The following SRPX variants were observed in gnomAD, a reference collection of about 807,000 sequenced individuals.
SRPX encodes the protein sushi repeat-containing protein SRPX.
Under a neutral mutation model 38.1 loss-of-function variants are expected in SRPX, and 24 were observed. That is an observed-to-expected ratio of 0.63 (90% confidence interval 0.46 to 0.89). The LOEUF (loss-of-function observed/expected upper bound fraction) is 0.89, where lower values mean the gene tolerates loss of function less well. Ranked by LOEUF, SRPX falls within the 40% of genes least tolerant of loss-of-function variation. The pLI is 0.00. For missense variants in SRPX, 416 were observed against 377.8 expected (o/e 1.10, Z -0.84); for synonymous variants, 184 against 153.8 (o/e 1.20, Z -1.45).
chrX:38,216,314 C>T (rs1311302369), intron 1 of SRPX, among the ~76,000 whole-genome samples: 1 of 112,643 alleles, frequency 8.9e-6, no homozygotes, highest in African/African-American at 3.2e-5. Flanking sequence ...CAGAAAGCTA[C>T]GAGAGAGAAG....
At chrX:38,165,719 G>A (rs1049520204) in intron 4 of SRPX, among the ~76,000 whole-genome samples, 3 of 111,981 alleles carry the variant, frequency 2.7e-5, no homozygotes, top group Non-Finnish European at 5.6e-5. Flanking sequence ...TCAACATATT[G>A]CTTAATATCT....
intron 2 of SRPX, among the ~76,000 whole-genome samples, chrX:38,177,299 T>C (rs1415486592): frequency 9.0e-6 from 1 of 111,023 alleles, no homozygotes; most frequent in Non-Finnish European, 1.9e-5. Flanking sequence ...TGCATTCAGA[T>C]CTCACAAAAA....
rs1020702421 is a variant in SRPX, at chrX:38,149,993, G to A, written c.1212-99C>T. 5 of 749,356 alleles carry A rather than the reference G, an allele frequency of 6.7e-6. No individual in the cohort carries two copies. The African/African-American group carries it at 8.6e-5, about 13-fold the overall frequency. The allele number at this position is 749,356 out of a possible 1,213,427, so 61.8% of individuals were successfully genotyped here. On this transcript the variant is annotated intron_variant, in intron 9 of 9. Coordinates refer to ENST00000378533, the MANE Select transcript of SRPX (RefSeq NM_006307.5). ...CTTACTGTGACAGTGTGCAGAGAAA[G>A]CTTTGATACAATGAAGGACTGAATC... is the stretch of plus-strand genomic sequence containing the variant.
intron 8 of SRPX, 39 bp from the exon 9 acceptor site, chrX:38,154,622 G>T: frequency 1.7e-6 from 2 of 1,198,207 alleles, no homozygotes; most frequent in Non-Finnish European, 2.2e-6. Flanking sequence ...GTATGAGCAT[G>T]GCTAAAAAAG....
In SRPX at chrX:38,193,597, C is replaced by T. The variant is rs755301657; in HGVS notation, c.98-15253G>A. 2.7e-5 allele frequency among the ~76,000 whole-genome samples: 3 copies of T among 112,136 alleles called. No homozygotes were observed. The Admixed American group carries it at 2.8e-4, about 11-fold the overall frequency. On this transcript the variant is annotated intron_variant, in intron 1 of 9. Transcript: ENST00000378533. ...CCTTGATGAACACCCAAAAATTTTC[C>T]TCAAATGCTTGCAAATGGCAACTTT...
chrX:38,212,618 T>C (rs1381794030), intron 1 of SRPX, among the ~76,000 whole-genome samples: 1 of 111,797 alleles, frequency 8.9e-6, no homozygotes. Flanking sequence ...CAGATGCTGC[T>C]GGCATGCAAG....
At chrX:38,208,924 A>C (rs1601872970) in intron 1 of SRPX, among the ~76,000 whole-genome samples, 1 of 100,972 alleles carries the variant, frequency 9.9e-6, no homozygotes, top group East Asian at 3.0e-4. Context: ...TGGGCTCAAG[A>C]GATTCTCTCG....
At chrX:38,194,885 T>G (rs1297060343) in intron 1 of SRPX, among the ~76,000 whole-genome samples, 1 of 93,944 alleles carries the variant, frequency 1.1e-5, no homozygotes, top group Non-Finnish European at 2.1e-5. Flanking sequence ...TTTTTTTTTT[T>G]TTTTTGAGAT....
rs766198137 is a variant in SRPX at position 38,181,330 on chromosome X, G to A, written c.98-2986C>T. 3.6e-5 allele frequency among the ~76,000 whole-genome samples: 4 copies of A among 112,469 alleles called. No individual in the cohort carries two copies. The South Asian group carries it at 1.1e-3, about 31-fold the overall frequency. On this transcript the variant is annotated intron_variant, in intron 1 of 9. Transcript: ENST00000378533. ...AGGAGGGCTTTCACATGGGTAAGGC[G>A]GAAGAAAGCCTGGCATTGGGTTGAA...
At chrX:38,161,305 T>C (rs960099542) in intron 5 of SRPX, among the ~76,000 whole-genome samples, 2 of 110,700 alleles carry the variant, frequency 1.8e-5, no homozygotes, top group African/African-American at 6.6e-5. Context: ...AAGGGTAGAA[T>C]GGTAGGGAAG....
intron 5 of SRPX, among the ~76,000 whole-genome samples, chrX:38,161,490 G>A (rs12008573): frequency 0.034 from 3,672 of 108,438 alleles, 53 homozygotes; most frequent in African/African-American, 0.055. Context: ...TTGGGCCTGC[G>A]GGGCGGGGGT....
chrX:38,170,539 C>T (rs910607198), intron 4 of SRPX, among the ~76,000 whole-genome samples: 2 of 111,082 alleles, frequency 1.8e-5, no homozygotes, highest in Non-Finnish European at 3.8e-5. Flanking sequence ...TCTTGTGGAT[C>T]GCTGTACCCC....
At chrX:38,194,855 T>C (rs1938965055) in intron 1 of SRPX, among the ~76,000 whole-genome samples, 1 of 104,170 alleles carries the variant, frequency 9.6e-6, no homozygotes, top group Non-Finnish European at 1.9e-5. Context: ...TTTGTTTGTT[T>C]GTTTTTGGTT....
intron 4 of SRPX, among the ~76,000 whole-genome samples, chrX:38,167,473 G>A (rs1938384432): frequency 9.0e-6 from 1 of 111,379 alleles, no homozygotes; most frequent in Non-Finnish European, 1.9e-5. Context: ...ACCTAAGCCT[G>A]TTATTACCCA....
chrX:38,188,629 T>G (rs1431234938), intron 1 of SRPX, among the ~76,000 whole-genome samples: 1 of 111,851 alleles, frequency 8.9e-6, no homozygotes, highest in African/African-American at 3.3e-5. Context: ...TGGGGTATAA[T>G]GGGCAAAATT....
chrX:38,194,660 G>A (rs1938961493), intron 1 of SRPX, among the ~76,000 whole-genome samples: 1 of 110,536 alleles, frequency 9.0e-6, no homozygotes, highest in Admixed American at 9.7e-5. Flanking sequence ...ATAAATGATG[G>A]CATATTTACA....
chrX:38,202,071 C>A (rs191473234), intron 1 of SRPX, among the ~76,000 whole-genome samples: 1 of 111,903 alleles, frequency 8.9e-6, no homozygotes, highest in Non-Finnish European at 1.9e-5. Flanking sequence ...CCCATATAAC[C>A]CTGTGGTGAC....
intron 1 of SRPX, among the ~76,000 whole-genome samples, chrX:38,218,408 G>T (rs1939454036): frequency 8.9e-6 from 1 of 112,452 alleles, no homozygotes; most frequent in African/African-American, 3.2e-5. Flanking sequence ...ACTTCATGTA[G>T]GTTTTTATAG....
intron 1 of SRPX, among the ~76,000 whole-genome samples, chrX:38,182,294 C>T (rs1175212532): frequency 8.9e-6 from 1 of 112,110 alleles, no homozygotes; most frequent in East Asian, 2.8e-4. Context: ...GCCTTCTGCG[C>T]CTACAATTTC....
Sources: allele counts gnomAD v4.1 joint callset (sites outside exome capture counted in the v4.1 genomes callset), GRCh38; gene constraint gnomAD v4.1.1; transcripts MANE v1.5; gene names NCBI Gene and HGNC (gene_info 2026-07-23, HGNC 2026-07-21).